Variants in CNGA1 observed in about 807,000 individuals in gnomAD.
The protein encoded by CNGA1 is cyclic nucleotide-gated channel alpha-1.
Under a neutral mutation model 69.7 loss-of-function variants are expected in CNGA1, and 53 were observed. That is an observed-to-expected ratio of 0.76 (90% CI 0.61 to 0.96). The LOEUF (loss-of-function observed/expected upper bound fraction) is 0.96, where lower values mean the gene tolerates loss of function less well. Ranked by LOEUF, CNGA1 falls within the 40% of genes least tolerant of loss-of-function variation. The pLI, the probability that CNGA1 is intolerant of heterozygous loss-of-function variation, is 0.00. For synonymous variants in CNGA1, 249 were observed against 283.5 expected (o/e 0.88, Z 1.22); for missense variants, 739 against 811.2 (o/e 0.91, Z 1.08).
intron 2 of CNGA1, among the ~76,000 whole-genome samples, chr4:48,010,071 G>T (rs757868348): frequency 2.6e-5 from 4 of 151,940 alleles, no homozygotes; most frequent in Non-Finnish European, 5.9e-5. Flanking sequence ...CTAGGCAGTT[G>T]TCAGCTAAAT....
intron 2 of CNGA1, among the ~76,000 whole-genome samples, chr4:48,005,924 TTCTG>T (rs1714896746): frequency 6.6e-6 from 1 of 152,254 alleles, no homozygotes; most frequent in African/African-American, 2.4e-5. Context: ...AGTTTCCAAA[TTCTG>T]TAGAAATCAG....
At position 48,016,628 on chromosome 4, in the gene CNGA1, C is replaced by CGG; in HGVS notation, c.-370_-369dup. On this transcript the variant is annotated 5_prime_UTR_variant, in exon 1 of 11. Transcript: ENST00000514170. Reference sequence around the variant, plus strand: ...TTATCACAGGCCGCTCCCAGGCCTGCGGGGGCCCTGAGAATTCGCAACAAG... The same window carrying CGG: ...TTATCACAGGCCGCTCCCAGGCCTGCGGGGGGGCCCTGAGAATTCGCAACAAG... The CGG allele has an allele frequency of 1.8e-6, 1 of 545,864 alleles. No homozygotes were observed. Among genetic ancestry groups the CGG allele is most frequent in the Non-Finnish European group, 3.2e-6 (1 of 313,954 alleles). The allele number at this position is 545,864 out of a possible 1,614,324, so 33.8% of individuals were successfully genotyped here.
intron 2 of CNGA1, among the ~76,000 whole-genome samples, chr4:47,992,167 T>G (rs187462333): frequency 6.6e-6 from 1 of 152,278 alleles, no homozygotes; most frequent in African/African-American, 2.4e-5. Flanking sequence ...TTTGGTTCCA[T>G]ATGAATTTTA....
At chr4:47,994,177 A>G (rs918143216) in intron 2 of CNGA1, among the ~76,000 whole-genome samples, 1 of 152,142 alleles carries the variant, frequency 6.6e-6, no homozygotes, top group African/African-American at 2.4e-5. Context: ...TGTTCTGTAT[A>G]TATCTGTTAA....
intron 3 of CNGA1, among the ~76,000 whole-genome samples, chr4:47,976,220 CATAT>C (rs1230676045): frequency 1.9e-5 from 1 of 53,466 alleles, no homozygotes; most frequent in Non-Finnish European, 2.8e-5. Context: ...TATACACATA[CATAT>C]ATATATACAT....
chr4:47,988,627 CAAT>C (rs1742093492), intron 2 of CNGA1, among the ~76,000 whole-genome samples: 1 of 151,828 alleles, frequency 6.6e-6, no homozygotes, highest in Non-Finnish European at 1.5e-5. Flanking sequence ...GTCCAGGACT[CAAT>C]GATATTATAT....
At chr4:47,942,344 A>G (rs898715088) in intron 8 of CNGA1, among the ~76,000 whole-genome samples, 196 bp from the exon 9 acceptor site, 2 of 144,936 alleles carry the variant, frequency 1.4e-5, no homozygotes, top group Non-Finnish European at 3.0e-5. Flanking sequence ...GGGTGGATAG[A>G]TAACAAAACT....
intron 2 of CNGA1, among the ~76,000 whole-genome samples, 168 bp downstream of exon 2, chr4:48,010,626 C>G (rs1715111862): frequency 6.6e-6 from 1 of 152,174 alleles, no homozygotes; most frequent in South Asian, 2.1e-4. Flanking sequence ...AGTGTTATAG[C>G]TCTATTAGAA....
chr4:47,946,080 G>A (rs1226841539), intron 6 of CNGA1, among the ~76,000 whole-genome samples: 5 of 152,170 alleles, frequency 3.3e-5, no homozygotes, highest in Admixed American at 3.3e-4. Flanking sequence ...CCGAGGAGAA[G>A]CCCTTAAGCT....
Position 47,941,209 on chromosome 4 carries a change from T to C in CNGA1, c.546-340A>G, listed in dbSNP as rs192509069. Among the ~76,000 whole-genome samples the C allele has an allele frequency of 1.1e-3, 175 of 152,294 alleles. 2 individuals carry two copies. The South Asian group carries it at 0.022, about 19-fold the overall frequency. ...GCAGACTATACTTAACAAAAATGTA[T>C]TGAACTTGGGTGATGGACACTCTAA... On this transcript the variant is annotated intron_variant, in intron 9 of 10. Coordinates refer to ENST00000514170, the MANE Select transcript of CNGA1 (RefSeq NM_001379270.1).
chr4:47,986,978 TGTTGTGTTGTGTTGTGTTGTGTTGA>T (rs1742002958), intron 2 of CNGA1, among the ~76,000 whole-genome samples: 1 of 78,896 alleles, frequency 1.3e-5, no homozygotes, highest in African/African-American at 7.4e-5. Context: ...AAGAGTATTG[TGTTGTGTTGTGTTGTGTTGTGTTGA>T]GTTGTGTTGT....
chr4:47,943,297 A>T lies in CNGA1; in HGVS notation c.330-9T>A. 2 of 1,544,190 alleles carry T rather than the reference A, an allele frequency of 1.3e-6. No homozygotes were observed. The highest frequency in any genetic ancestry group is 2.0e-5 in the Admixed American group (1 of 50,416). On this transcript the variant is annotated splice_polypyrimidine_tract_variant and intron_variant, in intron 7 of 10. Transcript: ENST00000514170. Reference sequence around the variant, plus strand: ...TTTTATCATCTGACTTGCTGAAAAAATTAAGCAAGTAGTATTAAAATACAG... The same window carrying T: ...TTTTATCATCTGACTTGCTGAAAAATTTAAGCAAGTAGTATTAAAATACAG...
At chr4:47,970,000 T>C (rs1740931924) in intron 3 of CNGA1, among the ~76,000 whole-genome samples, 1 of 152,218 alleles carries the variant, frequency 6.6e-6, no homozygotes, top group South Asian at 2.1e-4. Flanking sequence ...GTAATACTTT[T>C]GAAGGAGGTT....
At position 47,936,449 on chromosome 4, in the gene CNGA1, G is replaced by A. The variant is rs550339165; in HGVS notation, c.2033C>T (p.Ala678Val). ...TEFSSIEGPG[A>V]ESGPIDST Reference sequence around the variant, plus strand: ...TGTAGAGTCGATGGGCCCACTTTCCGCTCCAGGTCCCTCAATACTTGAAAA... The same window carrying A: ...TGTAGAGTCGATGGGCCCACTTTCCACTCCAGGTCCCTCAATACTTGAAAA... Residue 678 changes from alanine to valine, a missense_variant, in exon 11 of 11, where the codon GCG (alanine) becomes GTG (valine). Coordinates refer to ENST00000514170, the MANE Select transcript of CNGA1 (RefSeq NM_001379270.1). 19 of 1,614,038 alleles carry A rather than the reference G, an allele frequency of 1.2e-5. No individual in the cohort carries two copies. The highest frequency in any genetic ancestry group is 4.4e-5 in the South Asian group (4 of 91,066).
chr4:48,016,543 T>A lies in CNGA1; in HGVS notation c.-283A>T. 1 of 467,830 alleles carries A rather than the reference T, an allele frequency of 2.1e-6. No homozygotes were observed. Among genetic ancestry groups the A allele is most frequent in the Non-Finnish European group, 3.8e-6 (1 of 266,140 alleles). The allele number at this position is 467,830 out of a possible 1,614,324, so 29.0% of individuals were successfully genotyped here. On this transcript the variant is annotated 5_prime_UTR_variant, in exon 1 of 11. Coordinates refer to ENST00000514170, the MANE Select transcript of CNGA1 (RefSeq NM_001379270.1). Reference sequence around the variant, plus strand: ...TCTATGAGGCGTGTCTGTGTTTCTCTAGTTCGCGGCTCCAGCAGTCGCGCC... The same window carrying A: ...TCTATGAGGCGTGTCTGTGTTTCTCAAGTTCGCGGCTCCAGCAGTCGCGCC...
chr4:47,971,276 G>A (rs574419121), intron 3 of CNGA1, among the ~76,000 whole-genome samples: 1 of 152,032 alleles, frequency 6.6e-6, no homozygotes, highest in East Asian at 1.9e-4. Flanking sequence ...CTCTGAGGAA[G>A]GGGAAGTATG....
intron 2 of CNGA1, among the ~76,000 whole-genome samples, chr4:47,998,248 A>G (rs779259159): frequency 3.9e-5 from 6 of 152,228 alleles, no homozygotes; most frequent in Non-Finnish European, 8.8e-5. Context: ...AGAGCAAAGT[A>G]CTAGAGAAGA....
At chr4:47,966,929 A>G (rs1302150116) in intron 3 of CNGA1, among the ~76,000 whole-genome samples, 2 of 152,204 alleles carry the variant, frequency 1.3e-5, no homozygotes, top group African/African-American at 4.8e-5. Flanking sequence ...TTCAACACCC[A>G]TTTATAACTA....
chr4:47,942,108 T>C lies in CNGA1; in HGVS notation c.478A>G (p.Thr160Ala). The change falls in exon 9 of 11, where the codon ACA (threonine) becomes GCA (alanine). Residue 160 changes from threonine to alanine, a missense_variant. Thr to Ala is a moderately conservative substitution (Grantham distance 58, BLOSUM62 0). Transcript: ENST00000514170. Reference protein sequence around the residue: ...EVVVIDPSGNTYYNWLFCITL... With the variant: ...EVVVIDPSGNAYYNWLFCITL... ...ATGCAAAACAGCCAGTTGTAATATG[T>C]GTTTCCCGAGGGATCAATAACCACA... 1 of 1,613,962 alleles carries C rather than the reference T, an allele frequency of 6.2e-7. No homozygotes were observed. The highest frequency in any genetic ancestry group is 8.5e-7 in the Non-Finnish European group (1 of 1,179,886).
Sources: allele counts gnomAD v4.1 joint callset (sites outside exome capture counted in the v4.1 genomes callset), GRCh38; gene constraint gnomAD v4.1.1; transcripts MANE v1.5; gene names NCBI Gene and HGNC (gene_info 2026-07-23, HGNC 2026-07-21).